SIMC1: variants seen among roughly 807,000 people sequenced by gnomAD.
SIMC1 encodes SUMO interacting motifs containing 1.
SIMC1 carries 55 observed loss-of-function variants against 82.3 expected under a neutral mutation model. The observed-to-expected ratio is 0.67, with a 90% CI of 0.54 to 0.84. The LOEUF (loss-of-function observed/expected upper bound fraction) is 0.84. SIMC1 is among the 40% of genes least tolerant of loss of function. The probability of loss-of-function intolerance (pLI) is 0.00; values close to 1 mark genes in which losing one functional copy is unlikely to be tolerated. For missense variants in SIMC1, 915 were observed against 1,107.2 expected (o/e 0.83, Z 2.46); for synonymous variants, 353 against 426.3 (o/e 0.83, Z 2.12).
At chr5:176,277,358 T>C (rs150930492) in intron 1 of SIMC1, among the ~76,000 whole-genome samples, 21,806 of 151,690 alleles carry the variant, frequency 0.14, 1,625 homozygotes, top group Middle Eastern at 0.21. Context: ...GCCCTTTGTC[T>C]GATGAGTGGG....
At chr5:176,284,381 G>A (rs894702059) in intron 1 of SIMC1, among the ~76,000 whole-genome samples, 49 of 152,012 alleles carry the variant, frequency 3.2e-4, no homozygotes, top group African/African-American at 9.2e-4. Context: ...ACTCAAAACC[G>A]CTCAACTACA....
At chr5:176,330,582 A>G (rs1178205749) in intron 7 of SIMC1, among the ~76,000 whole-genome samples, 1 of 152,164 alleles carries the variant, frequency 6.6e-6, no homozygotes, top group Non-Finnish European at 1.5e-5. Flanking sequence ...CAGTGACCAA[A>G]TCTGGAATAA....
intron 1 of SIMC1, among the ~76,000 whole-genome samples, chr5:176,270,849 C>CA (rs1762394528): frequency 6.6e-6 from 1 of 152,186 alleles, no homozygotes; most frequent in African/African-American, 2.4e-5. Flanking sequence ...GCCCCACCAC[C>CA]ATGGGCTAAG....
intron 1 of SIMC1, among the ~76,000 whole-genome samples, chr5:176,253,307 C>T (rs1359061772): frequency 6.6e-6 from 1 of 152,146 alleles, no homozygotes; most frequent in Non-Finnish European, 1.5e-5. Context: ...AATATTTTTT[C>T]CTTCATTTCA....
At chr5:176,295,369 C>T (rs1763770038) in intron 3 of SIMC1, 107 bp downstream of exon 3, 1 of 1,476,918 alleles carries the variant, frequency 6.8e-7, no homozygotes, top group East Asian at 2.5e-5. Context: ...CAGTGGGTGA[C>T]TTAGCATATT....
At chr5:176,337,198 T>A in intron 9 of SIMC1, 52 bp downstream of exon 9, 1 of 1,415,724 alleles carries the variant, frequency 7.1e-7, no homozygotes, top group Admixed American at 1.7e-5. Context: ...AATGGACATT[T>A]GTATTAGTCA....
Position 176,312,434 on chromosome 5 carries a change from G to A in SIMC1, c.1735-1257G>A, listed in dbSNP as rs140253670. On this transcript the variant is annotated intron_variant, in intron 4 of 9. Coordinates refer to ENST00000429602, the MANE Select transcript of SIMC1 (RefSeq NM_001308195.2). Reference sequence around the variant, plus strand: ...ACCTATAATCCCAGCTACTTGGGAGGCTGAGGCTGGAGAATTGCTTGAGCC... The same window carrying A: ...ACCTATAATCCCAGCTACTTGGGAGACTGAGGCTGGAGAATTGCTTGAGCC... Among the ~76,000 whole-genome samples the A allele has an allele frequency of 2.5e-3, 383 of 151,282 alleles. 3 individuals are homozygous for A. Among genetic ancestry groups the A allele is most frequent in the African/African-American group, 8.8e-3 (362 of 41,248 alleles).
chr5:176,305,718 C>T (rs1402760445), intron 4 of SIMC1, among the ~76,000 whole-genome samples: 1 of 82,950 alleles, frequency 1.2e-5, no homozygotes, highest in African/African-American at 5.0e-5. Context: ...GGGGGGTCAG[C>T]CCCCCGCCCG....
intron 4 of SIMC1, among the ~76,000 whole-genome samples, chr5:176,307,645 C>G (rs1476050180): frequency 1.3e-5 from 2 of 152,198 alleles, no homozygotes; most frequent in East Asian, 3.8e-4. Context: ...CATGATCCAC[C>G]TGCCTCGGCC....
At position 176,345,302 on chromosome 5, in the gene SIMC1, C is replaced by T. The variant is rs890955209; in HGVS notation, c.2533C>T (p.Arg845Cys). 55 of 1,613,826 alleles carry T rather than the reference C, an allele frequency of 3.4e-5. No homozygotes were observed. Among genetic ancestry groups the T allele is most frequent in the Non-Finnish European group, 4.2e-5 (50 of 1,179,890 alleles). Residue 845 changes from arginine to cysteine, a missense_variant, in exon 10 of 10, where the codon CGC (arginine) becomes TGC (cysteine). Coordinates refer to ENST00000429602, the MANE Select transcript of SIMC1 (RefSeq NM_001308195.2). The part of the protein sequence containing the change: ...VDVEKQIEAF[R>C]SRLIQMLGEP... ...CGTAGAGAAGCAGATTGAGGCCTTC[C>T]GCAGCCGCCTGATCCAGATGCTGGG...
In SIMC1 at chr5:176,291,768, G is replaced by A. The variant is rs141360498; in HGVS notation, c.1431+813G>A. Among the ~76,000 whole-genome samples, 438 of 152,254 alleles carry A rather than the reference G, an allele frequency of 2.9e-3. 1 individual carries two copies. The highest frequency in any genetic ancestry group is 0.01 in the Middle Eastern group (3 of 294). On this transcript the variant is annotated intron_variant, in intron 2 of 9. Coordinates refer to ENST00000429602, the MANE Select transcript of SIMC1 (RefSeq NM_001308195.2). ...GCTGGGATTACAGGCATGAGCCACCGCGCCCAGCAGGGCACTTTACCTTTT... is the reference window on the plus strand; with the variant it reads ...GCTGGGATTACAGGCATGAGCCACCACGCCCAGCAGGGCACTTTACCTTTT...
chr5:176,322,159 C>A, intron 5 of SIMC1, 114 bp from the exon 6 acceptor site: 1 of 1,257,446 alleles, frequency 8.0e-7, no homozygotes, highest in Non-Finnish European at 1.1e-6. Flanking sequence ...CAGGTTAAGG[C>A]TATAGTTCTG....
Position 176,292,672 on chromosome 5 carries a change from G to A in SIMC1, c.1431+1717G>A, listed in dbSNP as rs530813320. Among the ~76,000 whole-genome samples, 7 of 152,160 alleles carry A rather than the reference G, an allele frequency of 4.6e-5. No individual in the cohort carries two copies. The South Asian group carries it at 6.2e-4, about 14-fold the overall frequency. On this transcript the variant is annotated intron_variant, in intron 2 of 9. Coordinates refer to ENST00000429602, the MANE Select transcript of SIMC1 (RefSeq NM_001308195.2). ...CGATTCTCCTGCCACAGCCTCCCGC[G>A]TAGCTGGGTTACAGGTGCCCGCTAC...
At chr5:176,259,451 A>G (rs1430901696) in intron 1 of SIMC1, among the ~76,000 whole-genome samples, 4 of 148,362 alleles carry the variant, frequency 2.7e-5, no homozygotes, top group South Asian at 2.1e-4. Flanking sequence ...CTCCATCTGG[A>G]AAAAAAAAAA....
chr5:176,287,521 T>C (rs1317443673), intron 1 of SIMC1, among the ~76,000 whole-genome samples: 3 of 152,058 alleles, frequency 2.0e-5, no homozygotes, highest in East Asian at 1.9e-4. Context: ...AGGAGATATA[T>C]CTAATGTAAA....
chr5:176,286,368 C>G (rs1242905588), intron 1 of SIMC1, among the ~76,000 whole-genome samples: 24 of 152,314 alleles, frequency 1.6e-4, no homozygotes, highest in East Asian at 7.7e-4. Context: ...ACAAACCTGA[C>G]AAAAACAAGC....
rs747512637 is a variant in SIMC1, at chr5:176,263,472, T to C, written c.129+24835T>C. 7.1e-6 allele frequency: 11 copies of C among 1,546,114 alleles called. No homozygotes were observed. The South Asian group carries it at 1.2e-4, about 17-fold the overall frequency. On this transcript the variant is annotated intron_variant, in intron 1 of 9. Transcript: ENST00000429602. Reference sequence around the variant, plus strand: ...CTTCTGGTGAGGACCTCAGGAAGCTTCCAACCATGGCAGAGGTGAATGGGG... The same window carrying C: ...CTTCTGGTGAGGACCTCAGGAAGCTCCCAACCATGGCAGAGGTGAATGGGG...
chr5:176,277,364 G>A (rs1379667123), intron 1 of SIMC1, among the ~76,000 whole-genome samples: 5 of 151,904 alleles, frequency 3.3e-5, no homozygotes, highest in Non-Finnish European at 7.4e-5. Flanking sequence ...TGTCTGATGA[G>A]TGGGTTGCAA....
At chr5:176,317,079 A>G (rs2113355077) in intron 5 of SIMC1, among the ~76,000 whole-genome samples, 1 of 152,306 alleles carries the variant, frequency 6.6e-6, no homozygotes, top group East Asian at 1.9e-4. Flanking sequence ...ACTCAATGAA[A>G]AAAATCATTT....
Sources: allele counts gnomAD v4.1 joint callset (sites outside exome capture counted in the v4.1 genomes callset), GRCh38; gene constraint gnomAD v4.1.1; transcripts MANE v1.5; gene names NCBI Gene and HGNC (gene_info 2026-07-23, HGNC 2026-07-21).